The following MOSMO variants were observed in gnomAD, a reference collection of about 807,000 sequenced individuals.
MOSMO encodes the protein modulator of smoothened.
A neutral mutation model predicts 18.4 loss-of-function variants in MOSMO; 5 were observed. The ratio of observed to expected loss-of-function variants is 0.27; its 90% CI spans 0.14 to 0.57. The LOEUF is 0.57. Ranked by LOEUF, MOSMO falls within the 20% of genes least tolerant of loss-of-function variation. The probability of loss-of-function intolerance (pLI) is 0.92; values close to 1 mark genes in which losing one functional copy is unlikely to be tolerated. For missense variants in MOSMO, 138 were observed against 211.8 expected (o/e 0.65, Z 2.16); for synonymous variants, 82 against 82.3 (o/e 1.00, Z 0.02).
intron 1 of MOSMO, among the ~76,000 whole-genome samples, chr16:22,016,421 A>T (rs1409873511): frequency 6.6e-6 from 1 of 152,132 alleles, no homozygotes; most frequent in African/African-American, 2.4e-5. Context: ...TTATTTACTT[A>T]TACCTGCCTT....
intron 1 of MOSMO, among the ~76,000 whole-genome samples, chr16:22,066,429 C>T (rs1900749835): frequency 6.6e-6 from 1 of 152,078 alleles, no homozygotes; most frequent in Non-Finnish European, 1.5e-5. Flanking sequence ...CCTGAAGGGC[C>T]ACACACATGT....
intron 1 of MOSMO, among the ~76,000 whole-genome samples, chr16:22,010,932 A>C (rs1347384091): frequency 6.6e-6 from 1 of 150,804 alleles, no homozygotes; most frequent in South Asian, 2.1e-4. Context: ...AAAAGAAAAC[A>C]GAAAAAAAAA....
downstream of MOSMO, among the ~76,000 whole-genome samples, chr16:22,089,843 C>T (rs948065128): frequency 6.6e-6 from 1 of 152,052 alleles, no homozygotes; most frequent in African/African-American, 2.4e-5. Flanking sequence ...GTATTGCCAC[C>T]AAACATGGAA....
At chr16:22,049,596 C>T (rs2141743289) in intron 1 of MOSMO, among the ~76,000 whole-genome samples, 1 of 152,206 alleles carries the variant, frequency 6.6e-6, no homozygotes, top group Non-Finnish European at 1.5e-5. Context: ...ACTATTACCC[C>T]TTCATGTGTA....
chr16:22,090,837 T>C (rs981395711), downstream of MOSMO, among the ~76,000 whole-genome samples: 4 of 152,224 alleles, frequency 2.6e-5, no homozygotes, highest in African/African-American at 9.6e-5. Context: ...TCATACAGTC[T>C]GAAAGCCTTA....
intron 1 of MOSMO, among the ~76,000 whole-genome samples, chr16:22,042,939 G>T (rs1335003507): frequency 6.6e-6 from 1 of 152,202 alleles, no homozygotes; most frequent in Non-Finnish European, 1.5e-5. Context: ...AGAAGCTGGA[G>T]AGCTGAAAGT....
chr16:22,033,867 C>G (rs1054129360), intron 1 of MOSMO, among the ~76,000 whole-genome samples: 2 of 151,942 alleles, frequency 1.3e-5, no homozygotes, highest in Non-Finnish European at 2.9e-5. Context: ...TTACATTAGC[C>G]TATAGTTGGG....
intron 1 of MOSMO, among the ~76,000 whole-genome samples, chr16:22,061,042 AG>A (rs1360484878): frequency 2.0e-5 from 3 of 152,222 alleles, no homozygotes; most frequent in Non-Finnish European, 4.4e-5. Flanking sequence ...AAATGTTTAT[AG>A]TAGCCTTATT....
At chr16:22,072,451 G>A (rs1289193999) in intron 1 of MOSMO, among the ~76,000 whole-genome samples, 3 of 152,200 alleles carry the variant, frequency 2.0e-5, no homozygotes, top group Non-Finnish European at 4.4e-5. Flanking sequence ...TTTACTGAAT[G>A]TGTGAGCATA....
rs138050995 is a variant in MOSMO at position 22,030,402 on chromosome 16, T to C, written c.106+21995T>C. ...CAAAGCCTATCCAGTTAAGACAGTG[T>C]GTGTCACTATTTTTCCTTTTGCAAA... On this transcript the variant is annotated intron_variant, in intron 1 of 2. Transcript: ENST00000542527. Among the ~76,000 whole-genome samples, 135 of 152,340 alleles carry C rather than the reference T, an allele frequency of 8.9e-4. 1 individual carries two copies. Among genetic ancestry groups the C allele is most frequent in the Admixed American group, 4.4e-3 (67 of 15,298 alleles).
At chr16:22,027,433 A>G (rs752981372) in intron 1 of MOSMO, among the ~76,000 whole-genome samples, 1 of 152,204 alleles carries the variant, frequency 6.6e-6, no homozygotes, top group South Asian at 2.1e-4. Context: ...TGTTCTAACC[A>G]ACTCCTTCTA....
intron 1 of MOSMO, among the ~76,000 whole-genome samples, chr16:22,049,069 C>T (rs894915239): frequency 7.9e-5 from 12 of 152,176 alleles, no homozygotes; most frequent in African/African-American, 2.6e-4. Flanking sequence ...TGCCAAATTG[C>T]GCTGAGGAAA....
At chr16:22,033,276 A>C (rs903683673) in intron 1 of MOSMO, among the ~76,000 whole-genome samples, 5 of 152,210 alleles carry the variant, frequency 3.3e-5, no homozygotes, top group African/African-American at 1.2e-4. Context: ...CTGTAGATCA[A>C]CTTGGAAGTA....
chr16:22,012,058 A>G (rs1011760188), intron 1 of MOSMO, among the ~76,000 whole-genome samples: 1 of 152,186 alleles, frequency 6.6e-6, no homozygotes, highest in Admixed American at 6.5e-5. Flanking sequence ...AAAGCCACTT[A>G]ACCTGGCAAC....
intron 1 of MOSMO, among the ~76,000 whole-genome samples, chr16:22,059,700 C>T (rs1267700774): frequency 6.6e-6 from 1 of 152,158 alleles, no homozygotes; most frequent in Non-Finnish European, 1.5e-5. Context: ...AACTCACTAT[C>T]ACGAGAACAG....
At chr16:22,033,870 T>G (rs1900048661) in intron 1 of MOSMO, among the ~76,000 whole-genome samples, 1 of 152,084 alleles carries the variant, frequency 6.6e-6, no homozygotes, top group African/African-American at 2.4e-5. Flanking sequence ...CATTAGCCTA[T>G]AGTTGGGCAA....
intron 1 of MOSMO, among the ~76,000 whole-genome samples, chr16:22,070,622 A>G (rs1306408802): frequency 6.6e-6 from 1 of 152,122 alleles, no homozygotes; most frequent in East Asian, 1.9e-4. Context: ...GACACTGTCC[A>G]TGTGTGGCTC....
chr16:22,013,740 T>C (rs1164517699), intron 1 of MOSMO, among the ~76,000 whole-genome samples: 2 of 152,142 alleles, frequency 1.3e-5, no homozygotes, highest in Admixed American at 1.3e-4. Flanking sequence ...TTCTCCCTTA[T>C]GTCTCGTCAA....
intron 1 of MOSMO, among the ~76,000 whole-genome samples, chr16:22,067,471 CTCATATGCAAGGGATCTT>C (rs1487986752): frequency 6.6e-6 from 1 of 152,094 alleles, no homozygotes; most frequent in Non-Finnish European, 1.5e-5. Flanking sequence ...ACAGTGAATC[CTCATATGCAAGGGATCTT>C]CAATACTATT....
Sources: gnomAD v4.1 joint callset for allele counts (sites outside exome capture counted in the v4.1 genomes callset) on GRCh38, gnomAD v4.1.1 for gene constraint, MANE v1.5 for transcripts, NCBI Gene and HGNC (gene_info 2026-07-23, HGNC 2026-07-21) for gene names.